Variants in ING5 observed in about 807,000 individuals in gnomAD.
ING5 encodes the protein inhibitor of growth family member 5, also known as inhibitor of growth protein 5.
A neutral mutation model predicts 37.4 loss-of-function variants in ING5; 17 were observed. That is an observed-to-expected ratio of 0.45 (90% confidence interval 0.31 to 0.68). ING5 has a LOEUF of 0.68. ING5 is among the 30% of genes least tolerant of loss of function. ING5 has a pLI of 0.05. For missense variants in ING5, 233 were observed against 311.9 expected, an observed-to-expected ratio of 0.75 and a Z score of 1.91; for synonymous variants, 123 against 116.6, an observed-to-expected ratio of 1.06 and a Z score of -0.36.
chr2:241,704,669 C>T lies in ING5; in HGVS notation c.54C>T (p.Pro18=), dbSNP rs147034494. ...GCGTTTCAGGTATCGAGAACCTTCC[C>T]TGCGAACTTCAGAGGAACTTCCAGC... ...EHYLDSIENL[P]CELQRNFQLM... The change falls in exon 2 of 8, where the codon CCC becomes CCT. Residue 18 remains proline (P), a synonymous_variant. Coordinates refer to ENST00000313552, the MANE Select transcript of ING5 (RefSeq NM_032329.6). 2 of 1,614,142 alleles carry T rather than the reference C, an allele frequency of 1.2e-6. No homozygotes were observed. The highest frequency in any genetic ancestry group is 1.7e-6 in the Non-Finnish European group (2 of 1,179,978).
rs1166173513 is a variant in ING5 at position 241,725,198 on chromosome 2, G to A, written c.*167G>A. ...GAACAAGAACCACCAAAGCCTGTTC[G>A]CACAGAAGGGCGACCTTGCAGGGAC... On this transcript the variant is annotated 3_prime_UTR_variant, in exon 8 of 8. Coordinates refer to ENST00000313552, the MANE Select transcript of ING5 (RefSeq NM_032329.6). 4.1e-6 allele frequency: 3 copies of A among 724,056 alleles called. No individual in the cohort carries two copies. Among genetic ancestry groups the A allele is most frequent in the African/African-American group, 1.8e-5 (1 of 56,978 alleles). 44.9% of individuals were successfully genotyped at this position (724,056 alleles called of 1,614,324 possible).
chr2:241,724,164 C>T (rs993872364), intron 7 of ING5: 24 of 761,570 alleles, frequency 3.2e-5, no homozygotes, highest in Non-Finnish European at 3.7e-5. Flanking sequence ...CCGGCAGACT[C>T]GCCCGAGTTG....
exon 1 of ING5, chr2:241,687,592 A>C: frequency 5.6e-6 from 2 of 355,590 alleles, no homozygotes; most frequent in Non-Finnish European, 1.0e-5. Context: ...CGGTGGCGCG[A>C]TCTCTGCTCA....
intron 5 of ING5, among the ~76,000 whole-genome samples, chr2:241,718,792 G>A (rs940656369): frequency 3.3e-5 from 5 of 152,136 alleles, no homozygotes; most frequent in Admixed American, 6.6e-5. Context: ...GCTCATGCCT[G>A]TAATCTCAGC....
chr2:241,710,432 A>C (rs1289298007), intron 3 of ING5, among the ~76,000 whole-genome samples: 1 of 151,516 alleles, frequency 6.6e-6, no homozygotes, highest in Non-Finnish European at 1.5e-5. Context: ...CCTCCTAAGT[A>C]GCTGGGATTA....
At chr2:241,690,074 C>T (rs951869887) in exon 2 of ING5, 2 of 152,180 alleles carry the variant, frequency 1.3e-5, no homozygotes, top group East Asian at 1.9e-4. Flanking sequence ...ACAGCGCATC[C>T]GCCTTGGTGG....
chr2:241,721,251 T>C (rs2070427967), intron 5 of ING5: 1 of 985,478 alleles, frequency 1.0e-6, no homozygotes, highest in Non-Finnish European at 1.2e-6. Context: ...GACCCTTGCG[T>C]GCTGCTGTCA....
chr2:241,719,151 G>A (rs753645233), intron 5 of ING5, among the ~76,000 whole-genome samples: 9 of 152,220 alleles, frequency 5.9e-5, no homozygotes, highest in Non-Finnish European at 8.8e-5. Context: ...GTAGAAGTGC[G>A]GGGGAGGAGA....
rs1381825930 is a variant in ING5 at position 241,725,379 on chromosome 2, C to T, written c.*348C>T. ...TGGTCCACGGAGGGCGGCCGCCACC[C>T]TCGCGTAGCTTTCCTGTGGTTTTCC... is the stretch of plus-strand genomic sequence containing the variant. On this transcript the variant is annotated 3_prime_UTR_variant, in exon 8 of 8. Coordinates refer to ENST00000313552, the MANE Select transcript of ING5 (RefSeq NM_032329.6). The T allele has an allele frequency of 1.7e-5, 5 of 300,004 alleles. No homozygotes were observed. Among genetic ancestry groups the T allele is most frequent in the South Asian group, 1.7e-4 (5 of 30,026 alleles). The allele number at this position is 300,004 out of a possible 1,614,324, so 18.6% of individuals were successfully genotyped here. A position where few individuals can be genotyped will look rare whatever the true frequency, so the allele number is the denominator to read the frequency against.
At chr2:241,724,441 G>T (rs1023495802) in intron 7 of ING5, among the ~76,000 whole-genome samples, 1 of 152,164 alleles carries the variant, frequency 6.6e-6, no homozygotes, top group African/African-American at 2.4e-5. Context: ...CGTCATGCGA[G>T]TCGGCTGCCT....
At chr2:241,688,885 A>G (rs1293905554) in intron 1 of ING5, among the ~76,000 whole-genome samples, 2 of 151,752 alleles carry the variant, frequency 1.3e-5, no homozygotes, top group Non-Finnish European at 2.9e-5. Flanking sequence ...TGCAAGCTCC[A>G]CCTCCCGAGT....
intron 2 of ING5, among the ~76,000 whole-genome samples, chr2:241,708,218 T>C (rs1248897576): frequency 2.0e-5 from 3 of 151,376 alleles, no homozygotes; most frequent in East Asian, 3.9e-4. Context: ...CTTTTGTTTT[T>C]TTTTTTTGAG....
intron 4 of ING5, 79 bp from the exon 5 acceptor site, chr2:241,711,899 C>G: frequency 2.3e-6 from 3 of 1,328,684 alleles, no homozygotes; most frequent in Non-Finnish European, 3.1e-6. Context: ...AGCGAGACCC[C>G]TTTTTAAAAA....
intron 5 of ING5, chr2:241,720,935 G>C: frequency 1.1e-5 from 11 of 985,600 alleles, no homozygotes; most frequent in Non-Finnish European, 1.3e-5. Context: ...AGCTTCTGGG[G>C]TGCCCTTGCT....
At chr2:241,700,686 A>C (rs1374821401), upstream of ING5, among the ~76,000 whole-genome samples, 2 of 152,026 alleles carry the variant, frequency 1.3e-5, no homozygotes, top group Non-Finnish European at 2.9e-5. Flanking sequence ...CAGTGCAGTT[A>C]CATGATCTCT....
intron 5 of ING5, among the ~76,000 whole-genome samples, chr2:241,714,675 G>A (rs916989047): frequency 6.6e-6 from 1 of 151,628 alleles, no homozygotes; most frequent in Non-Finnish European, 1.5e-5. Flanking sequence ...ATGGCTCACT[G>A]CAGCCTCCAC....
At chr2:241,708,618 G>A (rs918648059) in intron 2 of ING5, among the ~76,000 whole-genome samples, 1 of 152,052 alleles carries the variant, frequency 6.6e-6, no homozygotes, top group Admixed American at 6.6e-5. Flanking sequence ...TTTTTGCTCC[G>A]TGTCACCTTC....
chr2:241,692,815 TGAG>T (rs2069574386), intron 2 of ING5, among the ~76,000 whole-genome samples: 1 of 152,110 alleles, frequency 6.6e-6, no homozygotes, highest in Admixed American at 6.6e-5. Flanking sequence ...GAGATGTATT[TGAG>T]GAGACGTCTC....
intron 7 of ING5, 178 bp from the exon 8 acceptor site, chr2:241,724,811 C>CGAT: frequency 1.6e-6 from 1 of 618,690 alleles, no homozygotes; most frequent in Non-Finnish European, 2.9e-6. Context: ...TGCATAGAGC[C>CGAT]GCACGTGCAT....
Sources: gnomAD v4.1 joint callset for allele counts (sites outside exome capture counted in the v4.1 genomes callset) on GRCh38, gnomAD v4.1.1 for gene constraint, MANE v1.5 for transcripts, NCBI Gene and HGNC (gene_info 2026-07-23, HGNC 2026-07-21) for gene names.